SRRM4: variants seen among roughly 807,000 people sequenced by gnomAD.
SRRM4 encodes serine/arginine repetitive matrix 4, also known as serine/arginine repetitive matrix protein 4.
A neutral mutation model predicts 68.9 loss-of-function variants in SRRM4; 33 were observed. That is an observed-to-expected ratio of 0.48 (90% CI 0.36 to 0.64). SRRM4 has a LOEUF of 0.64. Among genes scored for constraint, SRRM4 ranks in the 30% least tolerant of loss-of-function variants. The pLI is 0.00. For synonymous variants in SRRM4, 318 were observed against 318.8 expected (o/e 1.00, Z 0.03); for missense variants, 817 against 827.1 (o/e 0.99, Z 0.15).
rs1352540012 is a variant in SRRM4 at position 119,162,360 on chromosome 12, A to C, written c.*5562A>C. ...TGTATTTAGTTTGAACTTCTCTCTA[A>C]GCCCCGTGGTCCAAAGTCATCACGG... On this transcript the variant is annotated 3_prime_UTR_variant, in exon 13 of 13. Coordinates refer to ENST00000267260, the MANE Select transcript of SRRM4 (RefSeq NM_194286.4). The C allele has an allele frequency of 6.6e-6, 1 of 152,198 alleles. No homozygotes were observed. Among genetic ancestry groups the C allele is most frequent in the East Asian group, 1.9e-4 (1 of 5,196 alleles). 9.4% of individuals were successfully genotyped at this position (152,198 alleles called of 1,614,324 possible).
In SRRM4 at chr12:119,130,689, G is replaced by A. The variant is rs114691929; in HGVS notation, c.626G>A (p.Arg209Gln). ...TCCCCCATCCCCAGGCACCGCGGCCGGTCCCCTGAGGAAGGGCAGAAGTCC... is the reference window on the plus strand; with the variant it reads ...TCCCCCATCCCCAGGCACCGCGGCCAGTCCCCTGAGGAAGGGCAGAAGTCC... ...PSSCESRHRGRSPEEGQKSRR... is the reference protein window; with the variant it reads ...PSSCESRHRGQSPEEGQKSRR... The change falls in exon 8 of 13, where the codon CGG (arginine) becomes CAG (glutamine). Residue 209 changes from arginine to glutamine, a missense_variant. Transcript: ENST00000267260. 7.2e-5 allele frequency: 116 copies of A among 1,610,524 alleles called. No homozygotes were observed. The highest frequency in any genetic ancestry group is 3.3e-4 in the Middle Eastern group (2 of 6,046).
intron 1 of SRRM4, among the ~76,000 whole-genome samples, chr12:119,092,854 C>CGGATTCTTAT (rs1954022355): frequency 1.3e-5 from 2 of 151,986 alleles, no homozygotes; most frequent in African/African-American, 4.8e-5. Flanking sequence ...TGTGAAAGCC[C>CGGATTCTTAT]ACCAGATTCT....
At chr12:119,054,304 C>T (rs367922192) in intron 1 of SRRM4, among the ~76,000 whole-genome samples, 3 of 152,132 alleles carry the variant, frequency 2.0e-5, no homozygotes, top group East Asian at 3.9e-4. Context: ...ACTTTTTGAG[C>T]ACTCACTGTG....
chr12:119,012,323 A>G (rs1477668859), intron 1 of SRRM4, among the ~76,000 whole-genome samples: 1 of 152,142 alleles, frequency 6.6e-6, no homozygotes, highest in Non-Finnish European at 1.5e-5. Flanking sequence ...CTGGCATCTG[A>G]ACTGGACTCA....
chr12:119,100,559 G>C (rs766243935), intron 1 of SRRM4, among the ~76,000 whole-genome samples: 20 of 151,932 alleles, frequency 1.3e-4, no homozygotes, highest in Non-Finnish European at 1.8e-4. Flanking sequence ...CCTCCATCTA[G>C]AATGTAAACA....
chr12:118,994,187 AT>A (rs995462802), intron 1 of SRRM4: 2 of 152,256 alleles, frequency 1.3e-5, no homozygotes, highest in African/African-American at 4.8e-5. Context: ...TAAATAAAAA[AT>A]AAAAATGATT....
At chr12:119,151,502 A>G (rs1954439091) in intron 10 of SRRM4, among the ~76,000 whole-genome samples, 1 of 152,224 alleles carries the variant, frequency 6.6e-6, no homozygotes, top group African/African-American at 2.4e-5. Flanking sequence ...AATATCAGTT[A>G]TTATTGCTGC....
intron 1 of SRRM4, among the ~76,000 whole-genome samples, chr12:119,071,933 T>C (rs956706007): frequency 1.3e-5 from 2 of 152,236 alleles, no homozygotes; most frequent in Admixed American, 6.5e-5. Flanking sequence ...CATGAATTAT[T>C]TGATAAGTGA....
chr12:119,101,299 A>C (rs1185728781), intron 1 of SRRM4, among the ~76,000 whole-genome samples: 1 of 152,128 alleles, frequency 6.6e-6, no homozygotes, highest in African/African-American at 2.4e-5. Context: ...AGTCTCTTCA[A>C]AAGCTGAGTA....
intron 1 of SRRM4, among the ~76,000 whole-genome samples, chr12:119,045,069 G>A (rs1420996677): frequency 6.6e-6 from 1 of 152,200 alleles, no homozygotes; most frequent in Admixed American, 6.5e-5. Flanking sequence ...CCCGTAGAAG[G>A]TGTTAGAGAC....
At chr12:119,094,659 A>G (rs917068391) in intron 1 of SRRM4, among the ~76,000 whole-genome samples, 4 of 152,136 alleles carry the variant, frequency 2.6e-5, no homozygotes, top group Non-Finnish European at 5.9e-5. Flanking sequence ...TTCATCTGCT[A>G]GAAACACATT....
At chr12:119,057,657 C>T (rs893401539) in intron 1 of SRRM4, among the ~76,000 whole-genome samples, 12 of 152,088 alleles carry the variant, frequency 7.9e-5, no homozygotes, top group African/African-American at 1.7e-4. Flanking sequence ...AGTGAACATA[C>T]GTGTGCATGC....
intron 1 of SRRM4, among the ~76,000 whole-genome samples, chr12:119,086,507 C>A (rs1953980581): frequency 6.6e-6 from 1 of 152,186 alleles, no homozygotes; most frequent in Non-Finnish European, 1.5e-5. Flanking sequence ...AATGTTATGG[C>A]CTCTTCTACT....
intron 1 of SRRM4, among the ~76,000 whole-genome samples, chr12:119,039,755 A>G (rs1362576158): frequency 6.6e-6 from 1 of 152,210 alleles, no homozygotes; most frequent in East Asian, 1.9e-4. Flanking sequence ...GCAGTAGAAA[A>G]TGTGACCTGG....
rs1954522837 is a variant in SRRM4 at position 119,162,748 on chromosome 12, G to A, written c.*5950G>A. The stretch of plus-strand genomic sequence containing the variant: ...GCCAAGGGGACGTGGTGCACCCCAA[G>A]GCCATTTCTCTGCATTGGAGGCTGC... On this transcript the variant is annotated 3_prime_UTR_variant, in exon 13 of 13. Coordinates refer to ENST00000267260, the MANE Select transcript of SRRM4 (RefSeq NM_194286.4). The A allele has an allele frequency of 6.6e-6, 1 of 152,188 alleles. No individual in the cohort carries two copies. The highest frequency in any genetic ancestry group is 2.4e-5 in the African/African-American group (1 of 41,442). The allele number at this position is 152,188 out of a possible 1,614,324, so 9.4% of individuals were successfully genotyped here.
At position 119,154,425 on chromosome 12, in the gene SRRM4, C is replaced by T; in HGVS notation, c.1532+42C>T. ...AGGGGGACCCACCTTCATCCTCGTT[C>T]CCACTCCCATTCTTACTCATTCGAG... On this transcript the variant is annotated intron_variant, in intron 12 of 12. Transcript: ENST00000267260. This position sits in a 1 kb window ranked among gnomAD's most constrained non-coding sequence, Gnocchi z 4.7. The T allele has an allele frequency of 6.2e-7, 1 of 1,602,908 alleles. No individual in the cohort carries two copies. Among genetic ancestry groups the T allele is most frequent in the Non-Finnish European group, 8.5e-7 (1 of 1,174,128 alleles).
intron 1 of SRRM4, among the ~76,000 whole-genome samples, chr12:119,076,056 T>A (rs573005230): frequency 3.3e-5 from 5 of 151,832 alleles, no homozygotes; most frequent in Admixed American, 2.6e-4. Flanking sequence ...GTGATGATGG[T>A]GATGGTAGTA....
intron 1 of SRRM4, among the ~76,000 whole-genome samples, chr12:119,016,205 G>A (rs1953479900): frequency 6.6e-6 from 1 of 152,118 alleles, no homozygotes; most frequent in Non-Finnish European, 1.5e-5. Flanking sequence ...GTCTTTGGGG[G>A]AAGCGTGGTC....
chr12:119,120,912 G>A (rs1290854468), intron 5 of SRRM4, among the ~76,000 whole-genome samples: 2 of 152,194 alleles, frequency 1.3e-5, no homozygotes, highest in African/African-American at 4.8e-5. Flanking sequence ...AGGGTAAGGG[G>A]AGTGACGATG....
Sources: gnomAD v4.1 joint callset for allele counts (sites outside exome capture counted in the v4.1 genomes callset) on GRCh38, gnomAD v4.1.1 for gene constraint, Gnocchi (gnomAD v3.1) non-coding constraint, MANE v1.5 for transcripts, NCBI Gene and HGNC (gene_info 2026-07-23, HGNC 2026-07-21) for gene names.